PTPRN2: variants seen among roughly 807,000 people sequenced by gnomAD.
The protein encoded by PTPRN2 is protein tyrosine phosphatase receptor type N2, also known as receptor-type tyrosine-protein phosphatase N2.
Under a neutral mutation model 118.8 loss-of-function variants are expected in PTPRN2, and 74 were observed. That is an observed-to-expected ratio of 0.62 (90% CI 0.52 to 0.76). The LOEUF is 0.76. Among genes scored for constraint, PTPRN2 ranks in the 30% least tolerant of loss-of-function variants. The pLI is 0.00. For missense variants in PTPRN2, 1,481 were observed against 1,394.4 expected (o/e 1.06, Z -0.99); for synonymous variants, 641 against 608.0 (o/e 1.05, Z -0.80).
At chr7:157,885,036 C>T (rs1334042601) in intron 12 of PTPRN2, among the ~76,000 whole-genome samples, 1 of 152,086 alleles carries the variant, frequency 6.6e-6, no homozygotes, top group Non-Finnish European at 1.5e-5. Flanking sequence ...TCTTGTGAAT[C>T]GGTTTTTTGT....
intron 2 of PTPRN2, among the ~76,000 whole-genome samples, chr7:158,342,481 T>C (rs369232002): frequency 3.9e-4 from 15 of 38,658 alleles, no homozygotes; most frequent in Middle Eastern, 0.016. Context: ...AGCTGACACC[T>C]GCAGACGTCA....
rs1297072072 is a variant in PTPRN2 at position 157,615,821 on chromosome 7, G to C, written c.2344+5541C>G. 2.8e-6 allele frequency: 1 copy of C among 360,080 alleles called. No homozygotes were observed. The highest frequency in any genetic ancestry group is 3.6e-5 in the Admixed American group (1 of 27,754). The allele number at this position is 360,080 out of a possible 1,614,324, so 22.3% of individuals were successfully genotyped here. A position where few individuals can be genotyped will look rare whatever the true frequency, so the allele number is the denominator to read the frequency against. On this transcript the variant is annotated intron_variant, in intron 15 of 22. Coordinates refer to ENST00000389418, the MANE Select transcript of PTPRN2 (RefSeq NM_002847.5). The surrounding 1 kb of genome is among the most constrained non-coding windows in gnomAD (Gnocchi z 4.3). Reference sequence around the variant, plus strand: ...TGTTAAACTTGACTGTCACCAACGGGGGGTGGGGGGTGCGCGAGGCCCTGG... The same window carrying C: ...TGTTAAACTTGACTGTCACCAACGGCGGGTGGGGGGTGCGCGAGGCCCTGG...
chr7:157,993,770 G>A (rs2128848860), intron 11 of PTPRN2, among the ~76,000 whole-genome samples: 1 of 152,314 alleles, frequency 6.6e-6, no homozygotes, highest in Non-Finnish European at 1.5e-5. Context: ...TCTGATTTGA[G>A]ATGAGTGTTG....
At chr7:158,273,357 A>T (rs541623652) in intron 3 of PTPRN2, among the ~76,000 whole-genome samples, 1 of 149,014 alleles carries the variant, frequency 6.7e-6, no homozygotes, top group Non-Finnish European at 1.5e-5. Context: ...CAAGGGCAGA[A>T]GCACTGCCTG....
At chr7:157,573,589 T>A (rs924256679) in intron 19 of PTPRN2, among the ~76,000 whole-genome samples, 8 of 152,218 alleles carry the variant, frequency 5.3e-5, no homozygotes, top group Non-Finnish European at 1.2e-4. Context: ...TAAGAAAGTG[T>A]GCTGGTTTGA....
At chr7:158,149,065 C>T (rs1214157972) in intron 6 of PTPRN2, among the ~76,000 whole-genome samples, 3 of 140,004 alleles carry the variant, frequency 2.1e-5, no homozygotes, top group African/African-American at 5.5e-5. Flanking sequence ...TCTCATGCCA[C>T]GTGTCATTCC....
intron 11 of PTPRN2, among the ~76,000 whole-genome samples, chr7:157,948,807 A>G (rs931769986): frequency 6.6e-6 from 1 of 152,214 alleles, no homozygotes; most frequent in Non-Finnish European, 1.5e-5. Flanking sequence ...TGGATTTCAT[A>G]TTTTTGGATT....
chr7:157,771,318 G>T (rs916610714), intron 12 of PTPRN2, among the ~76,000 whole-genome samples: 6 of 152,200 alleles, frequency 3.9e-5, no homozygotes, highest in Non-Finnish European at 7.3e-5. Context: ...AGCAAAACAG[G>T]GCTCTCCAAT....
At chr7:157,767,033 C>G (rs1364389363) in intron 12 of PTPRN2, among the ~76,000 whole-genome samples, 1 of 152,124 alleles carries the variant, frequency 6.6e-6, no homozygotes. Context: ...TAGCACCATA[C>G]AATAGTCACT....
chr7:157,797,665 G>A (rs982941682), intron 12 of PTPRN2, among the ~76,000 whole-genome samples: 2 of 152,234 alleles, frequency 1.3e-5, no homozygotes, highest in Non-Finnish European at 1.5e-5. Flanking sequence ...CTGCAGGCCT[G>A]TGGGATCCTT....
intron 3 of PTPRN2, among the ~76,000 whole-genome samples, chr7:158,220,813 T>C (rs1239537573): frequency 6.7e-6 from 1 of 149,442 alleles, no homozygotes; most frequent in Non-Finnish European, 1.5e-5. Context: ...ATGCTATTCC[T>C]ATCAAACCAC....
chr7:157,837,261 C>CCAT (rs1563157215), intron 12 of PTPRN2, among the ~76,000 whole-genome samples: 1 of 44,100 alleles, frequency 2.3e-5, no homozygotes, highest in African/African-American at 8.1e-5. Context: ...GTCCCTCCAC[C>CCAT]CATCCACCCA....
intron 1 of PTPRN2, among the ~76,000 whole-genome samples, chr7:158,522,372 CG>C (rs1403233830): frequency 2.2e-5 from 3 of 138,858 alleles, no homozygotes; most frequent in Non-Finnish European, 4.7e-5. Flanking sequence ...GGTGCTGGCT[CG>C]GGAGGGAGGT....
At chr7:157,798,511 G>A (rs922053648) in intron 12 of PTPRN2, among the ~76,000 whole-genome samples, 5 of 151,554 alleles carry the variant, frequency 3.3e-5, no homozygotes, top group East Asian at 3.9e-4. Flanking sequence ...AGACACACAC[G>A]GACACACACA....
In PTPRN2 at chr7:158,361,185, GCAGACCCCACACCCTGGCA is replaced by G. The variant is rs1563200146; in HGVS notation, c.164-44272_164-44254del. On this transcript the variant is annotated intron_variant, in intron 2 of 22. Coordinates refer to ENST00000389418, the MANE Select transcript of PTPRN2 (RefSeq NM_002847.5). Reference sequence around the variant, plus strand: ...CATCCACCCTCACCCAGGATGATGCGCAGACCCCACACCCTGGCAACCCACAGACCCCGCGTCCACCCTC... The same window carrying G: ...CATCCACCCTCACCCAGGATGATGCGACCCACAGACCCCGCGTCCACCCTC... Among the ~76,000 whole-genome samples, 20 of 5,428 alleles carry G rather than the reference GCAGACCCCACACCCTGGCA, an allele frequency of 3.7e-3. 8 individuals carry two copies. The highest frequency in any genetic ancestry group is 0.018 in the African/African-American group (6 of 328). The allele number at this position is 5,428 out of a possible 152,430, so 3.6% of individuals were successfully genotyped here.
At chr7:157,663,975 C>A (rs971534492) in intron 13 of PTPRN2, among the ~76,000 whole-genome samples, 1 of 152,156 alleles carries the variant, frequency 6.6e-6, no homozygotes, top group Non-Finnish European at 1.5e-5. Context: ...CATTTGAAAT[C>A]GCTCTAGGTT....
chr7:158,567,366 G>A (rs1827725757), intron 1 of PTPRN2, among the ~76,000 whole-genome samples: 1 of 152,204 alleles, frequency 6.6e-6, no homozygotes, highest in Non-Finnish European at 1.5e-5. Context: ...GACGAGGCCA[G>A]CCGTGCCTGC....
chr7:157,732,451 C>T (rs375611062), intron 12 of PTPRN2, among the ~76,000 whole-genome samples: 10 of 34,174 alleles, frequency 2.9e-4, no homozygotes, highest in East Asian at 1.3e-3. Flanking sequence ...CCCTTTTCCG[C>T]CCCATGCGCC....
At chr7:158,244,115 AC>A (rs1446634314) in intron 3 of PTPRN2, among the ~76,000 whole-genome samples, 1 of 152,082 alleles carries the variant, frequency 6.6e-6, no homozygotes, top group Non-Finnish European at 1.5e-5. Context: ...CCAATGCAGC[AC>A]CCAGTCCCTG....
Sources: allele counts gnomAD v4.1 joint callset (sites outside exome capture counted in the v4.1 genomes callset), GRCh38; gene constraint gnomAD v4.1.1; non-coding constraint Gnocchi (gnomAD v3.1); transcripts MANE v1.5; gene names NCBI Gene and HGNC (gene_info 2026-07-23, HGNC 2026-07-21).